MTR: variants seen among roughly 807,000 people sequenced by gnomAD.
The protein encoded by MTR is 5-methyltetrahydrofolate-homocysteine methyltransferase.
Under a neutral mutation model 154.8 loss-of-function variants are expected in MTR, and 84 were observed. The ratio of observed to expected loss-of-function variants is 0.54; its 90% CI spans 0.45 to 0.65. MTR has a LOEUF of 0.65. MTR is among the 30% of genes least tolerant of loss of function. MTR has a pLI of 0.00. For missense variants in MTR, 1,275 were observed against 1,570.2 expected (o/e 0.81, Z 3.18); for synonymous variants, 554 against 553.9 (o/e 1.00, Z 0.00).
intron 26 of MTR, among the ~76,000 whole-genome samples, 184 bp downstream of exon 26, chr1:236,885,403 G>A (rs1665960016): frequency 6.6e-6 from 1 of 152,112 alleles, no homozygotes; most frequent in Non-Finnish European, 1.5e-5. Flanking sequence ...ATAATTTTTG[G>A]TTGTATTGAA....
intron 10 of MTR, among the ~76,000 whole-genome samples, chr1:236,826,562 C>T (rs1662298886): frequency 6.6e-6 from 1 of 152,188 alleles, no homozygotes; most frequent in South Asian, 2.1e-4. Flanking sequence ...TCCCAAAGTG[C>T]TGAGATTATA....
At chr1:236,876,762 T>G (rs188020810) in intron 24 of MTR, among the ~76,000 whole-genome samples, 1 of 152,288 alleles carries the variant, frequency 6.6e-6, no homozygotes, top group East Asian at 1.9e-4. Flanking sequence ...GATACATTAT[T>G]GGCAAAATTA....
chr1:236,831,755 T>C (rs956999179), intron 12 of MTR, among the ~76,000 whole-genome samples: 2 of 152,228 alleles, frequency 1.3e-5, no homozygotes, highest in Non-Finnish European at 2.9e-5. Context: ...TTGAGAGTTA[T>C]GGTTGTAAAT....
chr1:236,847,403 C>A (rs1254642772), intron 15 of MTR, among the ~76,000 whole-genome samples: 4 of 152,116 alleles, frequency 2.6e-5, no homozygotes, highest in African/African-American at 9.7e-5. Context: ...CCTTGATGAC[C>A]AAATCAAAAA....
intron 22 of MTR, among the ~76,000 whole-genome samples, chr1:236,869,366 AAG>A (rs1156379285): frequency 6.6e-6 from 1 of 152,150 alleles, no homozygotes; most frequent in East Asian, 1.9e-4. Flanking sequence ...CACTTAAAAA[AAG>A]AGTTTTTTTG....
At chr1:236,825,118 A>G (rs2103099443) in intron 9 of MTR, among the ~76,000 whole-genome samples, 1 of 136,548 alleles carries the variant, frequency 7.3e-6, no homozygotes, top group African/African-American at 3.0e-5. Context: ...AAAAGAAATA[A>G]TGGAGTTCAT....
chr1:236,795,290 G>A, upstream of MTR: 2 of 1,208,428 alleles, frequency 1.7e-6, no homozygotes, highest in Non-Finnish European at 2.1e-6. Context: ...TAGATTGAGC[G>A]CAGAACTAAC....
At chr1:236,832,454 T>G (rs953849040) in intron 13 of MTR, among the ~76,000 whole-genome samples, 1 of 152,246 alleles carries the variant, frequency 6.6e-6, no homozygotes, top group Non-Finnish European at 1.5e-5. Context: ...CAGTTCCTTA[T>G]GATCGCATCA....
intron 8 of MTR, among the ~76,000 whole-genome samples, chr1:236,816,912 G>A (rs572619720): frequency 9.9e-5 from 15 of 152,134 alleles, no homozygotes; most frequent in Non-Finnish European, 1.2e-4. Flanking sequence ...GTTTTTATCT[G>A]TAAAGTGAAC....
At chr1:236,838,645 ATAG>A (rs745734386) in intron 15 of MTR, 46 bp downstream of exon 15, 1 of 1,609,038 alleles carries the variant, frequency 6.2e-7, no homozygotes, top group Non-Finnish European at 8.5e-7. Flanking sequence ...CCCAGGTTAG[ATAG>A]TGGTGGGAGA....
intron 4 of MTR, 78 bp downstream of exon 4, chr1:236,808,851 G>C: frequency 7.3e-7 from 1 of 1,372,094 alleles, no homozygotes; most frequent in Admixed American, 1.7e-5. Context: ...CCTTATTGCA[G>C]TTTTTCCTTA....
At chr1:236,870,666 A>G (rs991155979) in intron 22 of MTR, among the ~76,000 whole-genome samples, 4 of 152,088 alleles carry the variant, frequency 2.6e-5, no homozygotes, top group Admixed American at 2.6e-4. Flanking sequence ...CCCAAATTGT[A>G]TCTCCACTGT....
chr1:236,804,957 A>C (rs1467297976), intron 2 of MTR, among the ~76,000 whole-genome samples: 4 of 151,832 alleles, frequency 2.6e-5, no homozygotes, highest in African/African-American at 7.3e-5. Context: ...TTTCCATGTC[A>C]GTATTTGTAG....
chr1:236,810,441 C>T lies in MTR; in HGVS notation c.410-62C>T. The T allele has an allele frequency of 2.3e-6, 3 of 1,304,166 alleles. No individual in the cohort carries two copies. In the Admixed American group the frequency reaches 5.0e-5, roughly 22 times the overall value. 80.8% of individuals were successfully genotyped at this position (1,304,166 alleles called of 1,614,324 possible). A position where few individuals can be genotyped will look rare whatever the true frequency, so the allele number is the denominator to read the frequency against. On this transcript the variant is annotated intron_variant, in intron 4 of 32. Coordinates refer to ENST00000366577, the MANE Select transcript of MTR (RefSeq NM_000254.3). Reference sequence around the variant, plus strand: ...CCAGAAAAAAATCTTATTGGCTATTCATTCACGACAAAAAATGTTCAGCCA... The same window carrying T: ...CCAGAAAAAAATCTTATTGGCTATTTATTCACGACAAAAAATGTTCAGCCA...
chr1:236,831,585 C>A (rs1410998560), intron 12 of MTR, among the ~76,000 whole-genome samples: 1 of 152,212 alleles, frequency 6.6e-6, no homozygotes, highest in East Asian at 1.9e-4. Context: ...GAGCAGACAG[C>A]TGTGGAGCAC....
intron 24 of MTR, among the ~76,000 whole-genome samples, chr1:236,877,057 A>AG (rs1173082108): frequency 2.0e-5 from 3 of 152,210 alleles, no homozygotes; most frequent in Admixed American, 6.5e-5. Flanking sequence ...AAGAGCTAGT[A>AG]GGTAGCACTG....
intron 27 of MTR, among the ~76,000 whole-genome samples, chr1:236,887,018 C>A (rs964939540): frequency 6.6e-6 from 1 of 152,018 alleles, no homozygotes; most frequent in Non-Finnish European, 1.5e-5. Context: ...ACCTTTCTTG[C>A]CTCATATAGG....
chr1:236,887,299 T>C (rs559066123), intron 27 of MTR, among the ~76,000 whole-genome samples: 2 of 152,302 alleles, frequency 1.3e-5, no homozygotes, highest in East Asian at 1.9e-4. Context: ...GAATGCCATA[T>C]TGGGAGCCTG....
chr1:236,885,758 C>G (rs1248859626), intron 26 of MTR, among the ~76,000 whole-genome samples: 1 of 152,158 alleles, frequency 6.6e-6, no homozygotes, highest in African/African-American at 2.4e-5. Context: ...ATATTTCTTT[C>G]CGGTTATCTG....
Sources: gnomAD v4.1 joint callset for allele counts (sites outside exome capture counted in the v4.1 genomes callset) on GRCh38, gnomAD v4.1.1 for gene constraint, MANE v1.5 for transcripts, NCBI Gene and HGNC (gene_info 2026-07-23, HGNC 2026-07-21) for gene names.